RPS8: variants seen among roughly 807,000 people sequenced by gnomAD.
The protein encoded by RPS8 is small ribosomal subunit protein eS8.
For synonymous variants in RPS8, 100 were observed against 100.7 expected (o/e 0.99, Z 0.04); for missense variants, 141 against 269.7 (o/e 0.52, Z 3.34).
At chr1:44,775,747 C>G in intron 1 of RPS8, 147 bp downstream of exon 1, 1 of 1,115,578 alleles carries the variant, frequency 9.0e-7, no homozygotes, top group Admixed American at 1.8e-5. Flanking sequence ...GTTTCGGCCG[C>G]CCAGCCCGTC....
intron 5 of RPS8, 47 bp from the exon 6 acceptor site, chr1:44,778,529 G>A (rs966263338): frequency 6.7e-7 from 1 of 1,498,792 alleles, no homozygotes; most frequent in Non-Finnish European, 9.3e-7. Context: ...AGAGGTTTGG[G>A]TAGGGCCACC....
At chr1:44,777,533 A>T in intron 3 of RPS8, 81 bp from the exon 4 acceptor site, 2 of 1,153,798 alleles carry the variant, frequency 1.7e-6, no homozygotes, top group Non-Finnish European at 2.6e-6. Flanking sequence ...TTAAGGCCTC[A>T]TGGGGCTGAA....
Position 44,778,062 on chromosome 1 carries a change from T to A in RPS8, c.450T>A (p.Asp150Glu). ...KRSKKIQKKYDERKKNAKISS... is the reference protein window; with the variant it reads ...KRSKKIQKKYEERKKNAKISS... ...CTAAAAAAATTCAGAAGAAATATGA[T>A]GAAAGGAAAAAGAATGCCAAAATCA... The change falls in exon 5 of 6, where the codon GAT (aspartate) becomes GAA (glutamate). Residue 150 changes from aspartate (D) to glutamate (E), a missense_variant. Coordinates refer to ENST00000396651, the MANE Select transcript of RPS8 (RefSeq NM_001012.2). 1 of 1,612,014 alleles carries A rather than the reference T, an allele frequency of 6.2e-7. No individual in the cohort carries two copies.
Position 44,776,790 on chromosome 1 carries a change from T to A in RPS8, c.211+16T>A. On this transcript the variant is annotated intron_variant, in intron 3 of 5. Coordinates refer to ENST00000396651, the MANE Select transcript of RPS8 (RefSeq NM_001012.2). ...GGCTCAGAGTGTGAGTGAGGCCCTT[T>A]GGGAGTGGGTGGGAAAACGCACCTA... The A allele has an allele frequency of 6.4e-7, 1 of 1,557,364 alleles. No individual in the cohort carries two copies. The highest frequency in any genetic ancestry group is 8.7e-7 in the Non-Finnish European group (1 of 1,143,126).
intron 5 of RPS8, 38 bp from the exon 6 acceptor site, chr1:44,778,538 C>T (rs751360728): frequency 1.1e-5 from 17 of 1,552,574 alleles, no homozygotes; most frequent in Non-Finnish European, 1.4e-5. Context: ...GGTAGGGCCA[C>T]CTTGTCGTTG....
chr1:44,777,038 A>G, intron 3 of RPS8: 1 of 369,396 alleles, frequency 2.7e-6, no homozygotes. Context: ...GAAAGATCTT[A>G]AGGTAGCTGG....
At chr1:44,778,183 G>A (rs1553158814) in intron 5 of RPS8, 54 bp downstream of exon 5, 2 of 1,588,654 alleles carry the variant, frequency 1.3e-6, no homozygotes, top group Admixed American at 1.8e-5. Flanking sequence ...AGTGTGCCGA[G>A]GCACTTTTCC....
chr1:44,775,986 G>A (rs760117339), intron 1 of RPS8, 48 bp from the exon 2 acceptor site: 1 of 1,569,610 alleles, frequency 6.4e-7, no homozygotes, highest in Admixed American at 1.7e-5. Flanking sequence ...CGAGTCGCTA[G>A]CACCGAGTCA....
At chr1:44,778,477 C>T (rs772379737) in intron 5 of RPS8, 99 bp from the exon 6 acceptor site, 5 of 968,246 alleles carry the variant, frequency 5.2e-6, no homozygotes, top group Non-Finnish European at 8.5e-6. Context: ...TTCATGCTTG[C>T]CCCCAGGGTA....
Position 44,777,594 on chromosome 1 carries a change from C to T in RPS8, c.212-20C>T, listed in dbSNP as rs1198394970. The T allele has an allele frequency of 6.2e-7, 1 of 1,606,104 alleles. No homozygotes were observed. Among genetic ancestry groups the T allele is most frequent in the Non-Finnish European group, 8.5e-7 (1 of 1,174,382 alleles). On this transcript the variant is annotated intron_variant, in intron 3 of 5. Coordinates refer to ENST00000396651, the MANE Select transcript of RPS8 (RefSeq NM_001012.2). ...ATTTGTCCTCCAGTTTACTTGATGC[C>T]AAATTTCTCCTGTGAGCAGGTTGTA... is the stretch of plus-strand genomic sequence containing the variant.
intron 5 of RPS8, 26 bp from the exon 6 acceptor site, chr1:44,778,550 G>A: frequency 1.3e-6 from 2 of 1,590,418 alleles, no homozygotes; most frequent in African/African-American, 1.3e-5. Flanking sequence ...TTGTCGTTGT[G>A]CTAAGGATCA....
chr1:44,776,518 G>A (rs1650858885), intron 2 of RPS8, 157 bp from the exon 3 acceptor site: 1 of 774,712 alleles, frequency 1.3e-6, no homozygotes, highest in Non-Finnish European at 2.4e-6. Context: ...GAATCCTTAG[G>A]CGTGGTTGTG....
intron 1 of RPS8, 137 bp downstream of exon 1, chr1:44,775,737 G>T: frequency 8.3e-7 from 1 of 1,210,658 alleles, no homozygotes. Flanking sequence ...TGGCCCTCGG[G>T]TTTCGGCCGC....
At position 44,777,788 on chromosome 1, in the gene RPS8, T is replaced by A. The variant is rs1468732458; in HGVS notation, c.386T>A (p.Leu129Gln). 1 of 1,614,162 alleles carries A rather than the reference T, an allele frequency of 6.2e-7. No individual in the cohort carries two copies. Residue 129 changes from leucine (L) to glutamine (Q), a missense_variant and splice_region_variant, in exon 4 of 6, where the codon CTG (leucine) becomes CAG (glutamine). Leu to Gln is a moderately radical substitution (Grantham distance 113). Transcript: ENST00000396651. ...LPLGRKKGAK[L>Q]TPEEEEILNK... ...CTGGGCCGCAAGAAGGGAGCCAAGC[T>A]GGTGCGTGTTACTTCCCTGTAGGGG...
chr1:44,778,518 G>T, intron 5 of RPS8, 58 bp from the exon 6 acceptor site: 1 of 1,368,390 alleles, frequency 7.3e-7, no homozygotes, highest in Non-Finnish European at 1.0e-6. Flanking sequence ...TAAGCGGGTG[G>T]AGAGGTTTGG....
At chr1:44,778,352 T>C (rs1460478503) in intron 5 of RPS8, 3 of 814,900 alleles carry the variant, frequency 3.7e-6, no homozygotes, top group African/African-American at 1.7e-5. Flanking sequence ...TTGGAGTCTT[T>C]GTATTTGGGG....
intron 5 of RPS8, 129 bp from the exon 6 acceptor site, chr1:44,778,447 T>C: frequency 1.2e-6 from 1 of 833,882 alleles, no homozygotes; most frequent in East Asian, 2.4e-5. Context: ...AGATAAAGTG[T>C]GTCTGAGGAG....
rs1573592173 is a variant in RPS8 at position 44,778,517 on chromosome 1, G to A, written c.518-59G>A. On this transcript the variant is annotated intron_variant, in intron 5 of 5. Coordinates refer to ENST00000396651, the MANE Select transcript of RPS8 (RefSeq NM_001012.2). ...AACCCACAGAGATTCTTAAGCGGGT[G>A]GAGAGGTTTGGGTAGGGCCACCTTG... The A allele has an allele frequency of 5.9e-6, 8 of 1,345,346 alleles. No individual in the cohort carries two copies. In the East Asian group the frequency reaches 1.1e-4, roughly 19 times the overall value. The allele number at this position is 1,345,346 out of a possible 1,614,324, so 83.3% of individuals were successfully genotyped here.
At chr1:44,778,356 T>C (rs1650933847) in intron 5 of RPS8, 1 of 808,654 alleles carries the variant, frequency 1.2e-6, no homozygotes, top group East Asian at 2.4e-5. Flanking sequence ...AGTCTTTGTA[T>C]TTGGGGAAGT....
Sources: gnomAD v4.1 joint callset for allele counts on GRCh38, gnomAD v4.1.1 for gene constraint, MANE v1.5 for transcripts, NCBI Gene and HGNC (gene_info 2026-07-23, HGNC 2026-07-21) for gene names.